RERE: variants seen among roughly 807,000 people sequenced by gnomAD.
The protein encoded by RERE is arginine-glutamic acid dipeptide repeats, also known as arginine-glutamic acid dipeptide repeats protein.
RERE carries 40 observed loss-of-function variants against 146.1 expected under a neutral mutation model. That is an observed-to-expected ratio of 0.27 (90% CI 0.21 to 0.36). The LOEUF is 0.36. Ranked by LOEUF, RERE falls within the 10% of genes least tolerant of loss-of-function variation. The pLI is 1.00. For synonymous variants in RERE, 1,003 were observed against 866.0 expected (o/e 1.16, Z -2.78); for missense variants, 1,933 against 2,138.7 (o/e 0.90, Z 1.90).
intron 12 of RERE, among the ~76,000 whole-genome samples, chr1:8,366,709 A>G (rs1297325739): frequency 6.6e-6 from 1 of 152,250 alleles, no homozygotes; most frequent in Non-Finnish European, 1.5e-5. Flanking sequence ...ACACACCACA[A>G]GGTCAGGCTT....
At chr1:8,645,577 T>C (rs576609469) in intron 2 of RERE, among the ~76,000 whole-genome samples, 1 of 152,308 alleles carries the variant, frequency 6.6e-6, no homozygotes, top group South Asian at 2.1e-4. Context: ...AACATGGATT[T>C]TGATTCAGCA....
chr1:8,803,486 A>T (rs760090591), intron 1 of RERE, among the ~76,000 whole-genome samples: 5 of 152,152 alleles, frequency 3.3e-5, no homozygotes, highest in South Asian at 2.1e-4. Context: ...AAAATAAAAA[A>T]AAAGAAGTCA....
intron 1 of RERE, among the ~76,000 whole-genome samples, chr1:8,782,890 A>G (rs1641190851): frequency 6.6e-6 from 1 of 152,198 alleles, no homozygotes; most frequent in African/African-American, 2.4e-5. Flanking sequence ...TGGGAGACAC[A>G]GTGAGACTCC....
At chr1:8,582,371 C>T (rs1350088701) in intron 4 of RERE, among the ~76,000 whole-genome samples, 3 of 151,154 alleles carry the variant, frequency 2.0e-5, no homozygotes, top group Non-Finnish European at 4.4e-5. Flanking sequence ...TATCACTGTG[C>T]CTGCTTTTTT....
chr1:8,635,077 T>C (rs1367826811), intron 2 of RERE, among the ~76,000 whole-genome samples: 3 of 152,152 alleles, frequency 2.0e-5, no homozygotes, highest in African/African-American at 4.8e-5. Context: ...ATCAAGACAC[T>C]TTCCTATGAC....
At chr1:8,438,855 A>G (rs545455865) in intron 11 of RERE, among the ~76,000 whole-genome samples, 58 of 152,354 alleles carry the variant, frequency 3.8e-4, no homozygotes, top group Admixed American at 2.4e-3. Context: ...TGATAAGCTC[A>G]TTACAGGCCC....
chr1:8,804,684 T>C (rs1359566639), intron 1 of RERE, among the ~76,000 whole-genome samples: 1 of 152,208 alleles, frequency 6.6e-6, no homozygotes, highest in African/African-American at 2.4e-5. Context: ...TGCCCAGCTT[T>C]TGCCTTTTCC....
At position 8,614,667 on chromosome 1, in the gene RERE, C is replaced by T. The variant is rs745993033; in HGVS notation, c.416G>A (p.Cys139Tyr). 5.0e-6 allele frequency: 8 copies of T among 1,611,468 alleles called. No homozygotes were observed. In the Admixed American group the frequency reaches 1.0e-4, roughly 20 times the overall value. ...DFKLVHNSQACCRSPTPALCD... is the reference protein window; with the variant it reads ...DFKLVHNSQAYCRSPTPALCD... ...CAAAGCAGGAGTTGGAGATCTGCAA[C>T]AGGCCTGGGAGTTGTGGACCTAAAA... Residue 139 changes from cysteine (C) to tyrosine (Y), a missense_variant, in exon 4 of 23, where the codon TGT becomes TAT. Around this residue, in one of 11 missense-constraint regions of RERE, gnomAD observed 74 missense variants for 99.6 expected, o/e 0.74. Transcript: ENST00000400908.
At chr1:8,711,544 C>T (rs1309307248) in intron 1 of RERE, among the ~76,000 whole-genome samples, 4 of 152,096 alleles carry the variant, frequency 2.6e-5, no homozygotes, top group African/African-American at 7.2e-5. Context: ...TAGAGCGATA[C>T]GTTGAAAAGC....
intron 7 of RERE, among the ~76,000 whole-genome samples, chr1:8,530,911 C>T (rs1027119535): frequency 7.9e-5 from 12 of 151,462 alleles, no homozygotes; most frequent in South Asian, 4.2e-4. Context: ...CAGGATGGTC[C>T]CGATCTCCTG....
At chr1:8,597,006 A>G (rs1646562661) in intron 4 of RERE, among the ~76,000 whole-genome samples, 1 of 152,218 alleles carries the variant, frequency 6.6e-6, no homozygotes, top group Non-Finnish European at 1.5e-5. Context: ...GCACGAGCCA[A>G]TAAAAGGAAA....
chr1:8,565,813 T>G (rs527630272), intron 4 of RERE, among the ~76,000 whole-genome samples: 2 of 152,132 alleles, frequency 1.3e-5, no homozygotes, highest in African/African-American at 4.8e-5. Context: ...GAAAGAGGTA[T>G]AGAAAAACCT....
intron 11 of RERE, among the ~76,000 whole-genome samples, chr1:8,454,833 A>C (rs1644433058): frequency 6.6e-6 from 1 of 151,882 alleles, no homozygotes; most frequent in African/African-American, 2.4e-5. Context: ...ACAACAAAAA[A>C]AAACCCCCAC....
chr1:8,775,739 GGT>G (rs1411665288), intron 1 of RERE, among the ~76,000 whole-genome samples: 1 of 152,156 alleles, frequency 6.6e-6, no homozygotes, highest in Non-Finnish European at 1.5e-5. Context: ...AAATACACAT[GGT>G]GTGTGTTTGA....
At chr1:8,561,834 T>A (rs750532930) in intron 4 of RERE, among the ~76,000 whole-genome samples, 17 of 152,244 alleles carry the variant, frequency 1.1e-4, no homozygotes, top group Non-Finnish European at 2.5e-4. Flanking sequence ...CAGGTAATTA[T>A]GTAATTCCTA....
intron 1 of RERE, among the ~76,000 whole-genome samples, chr1:8,716,739 T>A (rs1028709394): frequency 1.6e-4 from 25 of 151,728 alleles, no homozygotes; most frequent in African/African-American, 3.6e-4. Flanking sequence ...TACCTTTTTT[T>A]AAAAAAAATT....
At chr1:8,622,162 G>GT (rs973889913) in intron 3 of RERE, among the ~76,000 whole-genome samples, 33 of 152,054 alleles carry the variant, frequency 2.2e-4, no homozygotes, top group African/African-American at 7.7e-4. Context: ...AGCAATTACC[G>GT]TAACTCAGCA....
At chr1:8,686,797 G>A (rs1403769057) in intron 1 of RERE, among the ~76,000 whole-genome samples, 1 of 152,144 alleles carries the variant, frequency 6.6e-6, no homozygotes, top group African/African-American at 2.4e-5. Context: ...AGTACTCTAG[G>A]GGAAAACAGA....
chr1:8,655,159 A>T (rs980814652), intron 2 of RERE, among the ~76,000 whole-genome samples: 5 of 152,030 alleles, frequency 3.3e-5, no homozygotes, highest in East Asian at 1.9e-4. Flanking sequence ...CTGAAGCTCA[A>T]ATTTTTGGAA....
Sources: allele counts gnomAD v4.1 joint callset (sites outside exome capture counted in the v4.1 genomes callset), GRCh38; gene constraint gnomAD v4.1.1; regional missense constraint gnomAD v4.1.1; transcripts MANE v1.5; gene names NCBI Gene and HGNC (gene_info 2026-07-23, HGNC 2026-07-21).